FAM110A: variants seen among roughly 807,000 people sequenced by gnomAD.
The protein encoded by FAM110A is family with sequence similarity 110 member A, also known as protein FAM110A.
FAM110A carries 1 observed loss-of-function variant against 4.0 expected under a neutral mutation model. The ratio of observed to expected loss-of-function variants is 0.25; its 90% CI spans 0.09 to 1.20. The LOEUF is 1.20. FAM110A is among the 50% of genes most tolerant of loss of function. FAM110A has a pLI of 0.50. For missense variants in FAM110A, 436 were observed against 429.2 expected (o/e 1.02, Z -0.14); for synonymous variants, 217 against 196.8 (o/e 1.10, Z -0.86).
chr20:834,290 A>T lies in FAM110A; in HGVS notation c.-98+339A>T, dbSNP rs1979463228. 6.6e-6 allele frequency among the ~76,000 whole-genome samples: 1 copy of T among 152,098 alleles called. No individual in the cohort carries two copies. The highest frequency in any genetic ancestry group is 1.5e-5 in the Non-Finnish European group (1 of 68,024). On this transcript the variant is annotated intron_variant, in intron 1 of 1. Transcript: ENST00000381941. This position sits in a 1 kb window ranked among gnomAD's most constrained non-coding sequence, Gnocchi z 5.6. ...CCCCGCGCCCCACACTGTCCTCGGG[A>T]TACCCCCTTTGGGCGTCTGTCTTTC...
rs578036924 is a variant in FAM110A, at chr20:845,235, C to T, written c.431C>T (p.Pro144Leu). ...CCTCCCCCAGCCACCCCTCCGCGAC[C>T]GCCGCCCAGTACCTCTGCGGTCCGC... ...GRPPPATPPR[P>L]PPSTSAVRRV... Residue 144 changes from proline (P) to leucine (L), a missense_variant, in exon 2 of 2, where the codon CCG becomes CTG. By Grantham distance (98) the Pro-to-Leu change is moderately conservative (BLOSUM62 -3). Transcript: ENST00000381941. The T allele has an allele frequency of 1.3e-6, 2 of 1,532,890 alleles. No homozygotes were observed. The highest frequency in any genetic ancestry group is 4.0e-5 in the Admixed American group (2 of 49,438). The allele number at this position is 1,532,890 out of a possible 1,614,324, so 95.0% of individuals were successfully genotyped here. A position where few individuals can be genotyped will look rare whatever the true frequency, so the allele number is the denominator to read the frequency against.
At chr20:836,726 G>A (rs1979594557) in intron 1 of FAM110A, among the ~76,000 whole-genome samples, 1 of 152,178 alleles carries the variant, frequency 6.6e-6, no homozygotes, top group Non-Finnish European at 1.5e-5. Flanking sequence ...ACACTCAGAA[G>A]TGGAATTGCT....
intron 1 of FAM110A, chr20:836,246 T>TGTG (rs1491185842): frequency 5.0e-5 from 5 of 99,812 alleles, no homozygotes; most frequent in African/African-American, 1.9e-4. Context: ...TTACATTTTT[T>TGTG]GGGGGGGGGG....
intron 1 of FAM110A, among the ~76,000 whole-genome samples, chr20:835,196 C>CTG (rs1479779616): frequency 8.0e-6 from 1 of 125,432 alleles, no homozygotes; most frequent in East Asian, 2.1e-4. Flanking sequence ...CTCTCTCTCT[C>CTG]TCTCTATATA....
In FAM110A at chr20:845,985, G is replaced by C. The variant is rs751333903; in HGVS notation, c.*293G>C. The C allele has an allele frequency of 1.1e-5, 5 of 451,812 alleles. No individual in the cohort carries two copies. The highest frequency in any genetic ancestry group is 2.0e-5 in the Non-Finnish European group (5 of 248,916). The allele number at this position is 451,812 out of a possible 1,614,324, so 28.0% of individuals were successfully genotyped here. A position where few individuals can be genotyped will look rare whatever the true frequency, so the allele number is the denominator to read the frequency against. ...GTTCCTCTTGTGGGGCTGCATTTGC[G>C]GTGCTTTGCCCTCCCCACTGTGAGT... On this transcript the variant is annotated 3_prime_UTR_variant, in exon 2 of 2. Coordinates refer to ENST00000381941, the MANE Select transcript of FAM110A (RefSeq NM_001042353.3).
intron 1 of FAM110A, among the ~76,000 whole-genome samples, chr20:841,598 C>T (rs1458323805): frequency 6.6e-6 from 1 of 151,960 alleles, no homozygotes; most frequent in Non-Finnish European, 1.5e-5. Flanking sequence ...ATCTGAGTTC[C>T]CCCCAGCCCT....
At chr20:838,611 CATTTGAAATGAG>C (rs1252680568) in intron 1 of FAM110A, among the ~76,000 whole-genome samples, 3 of 152,222 alleles carry the variant, frequency 2.0e-5, no homozygotes, top group East Asian at 1.9e-4. Flanking sequence ...GAGGAGATGA[CATTTGAAATGAG>C]ATCTGAAGGG....
chr20:836,269 A>C, intron 1 of FAM110A, among the ~76,000 whole-genome samples: 1 of 146,830 alleles, frequency 6.8e-6, no homozygotes, highest in South Asian at 2.2e-4. Context: ...GGGGTGGGGC[A>C]GTGAATGAAT....
At position 833,737 on chromosome 20, in the gene FAM110A, A is replaced by G. The variant is rs933766045; in HGVS notation, c.-312A>G. The stretch of plus-strand genomic sequence containing the variant: ...CTCACTTCCCCTTCCACGGCGCCCC[A>G]GGGACTTTCCCTGCGGTGGGGGCCT... On this transcript the variant is annotated 5_prime_UTR_variant, in exon 1 of 2. Coordinates refer to ENST00000381941, the MANE Select transcript of FAM110A (RefSeq NM_001042353.3). This position sits in a 1 kb window ranked among gnomAD's most constrained non-coding sequence, Gnocchi z 4.1. 1 of 152,260 alleles carries G rather than the reference A, an allele frequency of 6.6e-6. No homozygotes were observed. The highest frequency in any genetic ancestry group is 2.4e-5 in the African/African-American group (1 of 41,460). The allele number at this position is 152,260 out of a possible 1,614,324, so 9.4% of individuals were successfully genotyped here.
chr20:837,949 A>G (rs557535366), intron 1 of FAM110A, among the ~76,000 whole-genome samples: 3 of 152,228 alleles, frequency 2.0e-5, no homozygotes, highest in Admixed American at 2.0e-4. Context: ...ATTAATTACA[A>G]AGGGAAAATA....
At position 845,215 on chromosome 20, in the gene FAM110A, C is replaced by A. The variant is rs754691371; in HGVS notation, c.411C>A (p.Pro137=). 4.5e-6 allele frequency: 7 copies of A among 1,546,154 alleles called. No homozygotes were observed. In the South Asian group the frequency reaches 8.4e-5, roughly 19 times the overall value. ...GGGCCGAGGGAGCCGGCCGTCCTCCCCCAGCCACCCCTCCGCGACCGCCGC... is the reference window on the plus strand; with the variant it reads ...GGGCCGAGGGAGCCGGCCGTCCTCCACCAGCCACCCCTCCGCGACCGCCGC... ...PGRAEGAGRP[P]PATPPRPPPS... The change falls in exon 2 of 2, where the codon CCC becomes CCA. Residue 137 remains proline, a synonymous_variant. Transcript: ENST00000381941.
intron 1 of FAM110A, among the ~76,000 whole-genome samples, chr20:835,360 C>T (rs1320841016): frequency 6.6e-6 from 1 of 152,040 alleles, no homozygotes; most frequent in South Asian, 2.1e-4. Flanking sequence ...TAAGTTTCTT[C>T]AGTCTCTGGG....
At chr20:843,339 T>G (rs775642477) in intron 1 of FAM110A, among the ~76,000 whole-genome samples, 4 of 152,086 alleles carry the variant, frequency 2.6e-5, no homozygotes, top group Non-Finnish European at 5.9e-5. Flanking sequence ...TTTGGATGTC[T>G]AGGTGGGGCT....
rs908067325 is a variant in FAM110A at position 840,254 on chromosome 20, G to C, written c.-97-4454G>C. Among the ~76,000 whole-genome samples, 3 of 152,064 alleles carry C rather than the reference G, an allele frequency of 2.0e-5. No homozygotes were observed. Among genetic ancestry groups the C allele is most frequent in the African/African-American group, 2.4e-5 (1 of 41,384 alleles). On this transcript the variant is annotated intron_variant, in intron 1 of 1. Transcript: ENST00000381941. The surrounding 1 kb of genome is among the most constrained non-coding windows in gnomAD (Gnocchi z 4.4). ...AGGAAAGCTGATGTGCATCACTGCC[G>C]GTCTCCTCATGCCCTGTACCCTAGT...
intron 1 of FAM110A, among the ~76,000 whole-genome samples, chr20:844,023 C>T (rs529189549): frequency 2.0e-5 from 3 of 152,282 alleles, no homozygotes; most frequent in South Asian, 2.1e-4. Context: ...CACTGGGGCG[C>T]GGGTGGAGAT....
chr20:839,294 T>C (rs571474929), intron 1 of FAM110A, among the ~76,000 whole-genome samples: 1 of 152,284 alleles, frequency 6.6e-6, no homozygotes, highest in South Asian at 2.1e-4. Flanking sequence ...GGCATAATAA[T>C]AGTAGCCCTC....
intron 1 of FAM110A, among the ~76,000 whole-genome samples, chr20:837,045 GTTTTTT>G (rs71191980): frequency 6.0e-5 from 5 of 82,920 alleles, no homozygotes; most frequent in African/African-American, 1.9e-4. Context: ...ACTCTGCATT[GTTTTTT>G]TTTTTTTTTT....
chr20:843,079 A>T (rs1023974196), intron 1 of FAM110A, among the ~76,000 whole-genome samples: 2 of 152,184 alleles, frequency 1.3e-5, no homozygotes, highest in African/African-American at 4.8e-5. Flanking sequence ...CAAATAGAGT[A>T]CTTGTGCAGG....
chr20:839,800 C>T, intron 1 of FAM110A: 1 of 1,570,750 alleles, frequency 6.4e-7, no homozygotes, highest in Admixed American at 1.7e-5. Context: ...GCAAACTGTT[C>T]CTTCACGCAG....
Sources: allele counts gnomAD v4.1 joint callset (sites outside exome capture counted in the v4.1 genomes callset), GRCh38; gene constraint gnomAD v4.1.1; non-coding constraint Gnocchi (gnomAD v3.1); transcripts MANE v1.5; gene names NCBI Gene and HGNC (gene_info 2026-07-23, HGNC 2026-07-21).